GRAMD1B: variants seen among roughly 807,000 people sequenced by gnomAD.
GRAMD1B encodes the protein GRAM domain containing 1B.
GRAMD1B carries 37 observed loss-of-function variants against 99.7 expected under a neutral mutation model. That is an observed-to-expected ratio of 0.37 (90% confidence interval 0.29 to 0.49). The LOEUF is 0.49. Among genes scored for constraint, GRAMD1B ranks in the 20% least tolerant of loss-of-function variants. GRAMD1B has a pLI of 0.98. For missense variants in GRAMD1B, 888 were observed against 1,009.2 expected, an observed-to-expected ratio of 0.88 and a Z score of 1.63; for synonymous variants, 427 against 387.6, an observed-to-expected ratio of 1.10 and a Z score of -1.19.
intron 1 of GRAMD1B, among the ~76,000 whole-genome samples, chr11:123,390,648 C>T (rs376760753): frequency 1.3e-5 from 2 of 152,228 alleles, no homozygotes; most frequent in African/African-American, 4.8e-5. Context: ...ACAACCTTTC[C>T]AGGTAATTTT....
chr11:123,451,837 T>TTATA (rs140732433), intron 1 of GRAMD1B, among the ~76,000 whole-genome samples: 25,623 of 148,816 alleles, frequency 0.17, 2,564 homozygotes, highest in East Asian at 0.37. Context: ...TGACAGCAGA[T>TTATA]TATATATATA....
At chr11:123,370,929 C>T (rs576306511) in intron 1 of GRAMD1B, among the ~76,000 whole-genome samples, 64 of 152,084 alleles carry the variant, frequency 4.2e-4, no homozygotes, top group African/African-American at 1.4e-3. Flanking sequence ...AATCACAAGG[C>T]GCTGAGCATG....
chr11:123,488,416 G>C (rs913326975), intron 2 of GRAMD1B, among the ~76,000 whole-genome samples: 1 of 152,174 alleles, frequency 6.6e-6, no homozygotes, highest in Non-Finnish European at 1.5e-5. Context: ...TTTGGGCATG[G>C]TATAATGGAA....
At chr11:123,564,524 G>C (rs751381281) in intron 2 of GRAMD1B, among the ~76,000 whole-genome samples, 7 of 152,234 alleles carry the variant, frequency 4.6e-5, no homozygotes, top group South Asian at 2.1e-4. Context: ...TCAGTTTCCT[G>C]ACCTGTCTCC....
At chr11:123,506,492 A>G (rs546740514) in intron 2 of GRAMD1B, among the ~76,000 whole-genome samples, 1 of 152,132 alleles carries the variant, frequency 6.6e-6, no homozygotes, top group East Asian at 1.9e-4. Context: ...AGTAGAGATA[A>G]TTGCCCTAGA....
intron 2 of GRAMD1B, among the ~76,000 whole-genome samples, chr11:123,507,894 G>C (rs571686012): frequency 6.6e-6 from 1 of 152,254 alleles, no homozygotes; most frequent in East Asian, 1.9e-4. Context: ...TTGGAAATTT[G>C]GTATTATGAT....
intron 1 of GRAMD1B, among the ~76,000 whole-genome samples, chr11:123,389,166 C>T (rs935400859): frequency 6.6e-6 from 1 of 151,974 alleles, no homozygotes; most frequent in African/African-American, 2.4e-5. Context: ...AGGCAGATCA[C>T]GAGGTCAGGG....
chr11:123,358,532 G>A (rs545951266), exon 1 of GRAMD1B: 1 of 152,140 alleles, frequency 6.6e-6, no homozygotes, highest in Non-Finnish European at 1.5e-5. Flanking sequence ...GCAGCCGGCC[G>A]TCCCGGCTCC....
At chr11:123,532,621 T>C (rs17127448) in intron 2 of GRAMD1B, among the ~76,000 whole-genome samples, 2,809 of 152,328 alleles carry the variant, frequency 0.018, 81 homozygotes, top group African/African-American at 0.063. Context: ...TGACCTTACA[T>C]TGTGGTTTGA....
At chr11:123,601,226 T>A (rs547441985) in intron 8 of GRAMD1B, among the ~76,000 whole-genome samples, 123 of 152,112 alleles carry the variant, frequency 8.1e-4, no homozygotes, top group Non-Finnish European at 1.5e-3. Flanking sequence ...TGCCACAACT[T>A]AAAGTACAGA....
intron 1 of GRAMD1B, among the ~76,000 whole-genome samples, chr11:123,447,949 T>A (rs11219141): frequency 6.6e-6 from 1 of 152,028 alleles, no homozygotes; most frequent in Non-Finnish European, 1.5e-5. Context: ...GTTTATAGTT[T>A]AAGGGCTGCT....
chr11:123,380,568 TC>T (rs1345941949), intron 1 of GRAMD1B, among the ~76,000 whole-genome samples: 1 of 152,220 alleles, frequency 6.6e-6, no homozygotes. Flanking sequence ...TTCGAGGTGT[TC>T]AAACCTGCAA....
intron 1 of GRAMD1B, among the ~76,000 whole-genome samples, chr11:123,479,352 A>T (rs1951466293): frequency 6.6e-6 from 1 of 152,188 alleles, no homozygotes; most frequent in African/African-American, 2.4e-5. Flanking sequence ...TTTGGCTGAG[A>T]GTGTACAGAC....
chr11:123,360,550 T>C (rs891898941), intron 1 of GRAMD1B, among the ~76,000 whole-genome samples: 1 of 152,180 alleles, frequency 6.6e-6, no homozygotes, highest in Non-Finnish European at 1.5e-5. Context: ...GCTCAAAAGC[T>C]GTTTGGTTTT....
chr11:123,387,537 G>A (rs986100581), intron 1 of GRAMD1B, among the ~76,000 whole-genome samples: 2 of 152,082 alleles, frequency 1.3e-5, no homozygotes, highest in Non-Finnish European at 2.9e-5. Context: ...GAGTGGGTTT[G>A]GAGGGCTTCT....
chr11:123,525,756 T>C, intron 2 of GRAMD1B: 1 of 271,910 alleles, frequency 3.7e-6, no homozygotes, highest in Non-Finnish European at 7.2e-6. Context: ...AGAGCTGGTA[T>C]GAGGTGAGGG....
intron 2 of GRAMD1B, among the ~76,000 whole-genome samples, chr11:123,540,245 T>A (rs2135689982): frequency 6.6e-6 from 1 of 152,052 alleles, no homozygotes; most frequent in Admixed American, 6.5e-5. Context: ...TGGTTGTTTT[T>A]TTTTTTGTAT....
At chr11:123,411,654 T>C (rs1242870869) in intron 1 of GRAMD1B, among the ~76,000 whole-genome samples, 1 of 152,104 alleles carries the variant, frequency 6.6e-6, no homozygotes, top group Non-Finnish European at 1.5e-5. Context: ...ATTTTGCCAT[T>C]TTATCATTAT....
chr11:123,377,059 A>T (rs760124380), intron 1 of GRAMD1B, among the ~76,000 whole-genome samples: 37 of 152,214 alleles, frequency 2.4e-4, no homozygotes, highest in Non-Finnish European at 4.7e-4. Context: ...ATAATCTCCA[A>T]GAACTACTCT....
Sources: allele counts gnomAD v4.1 joint callset (sites outside exome capture counted in the v4.1 genomes callset), GRCh38; gene constraint gnomAD v4.1.1; transcripts MANE v1.5; gene names NCBI Gene and HGNC (gene_info 2026-07-23, HGNC 2026-07-21).